The following XDH variants were observed in gnomAD, a reference collection of about 807,000 sequenced individuals.
The protein encoded by XDH is xanthine dehydrogenase, also known as xanthine dehydrogenase/oxidase.
A neutral mutation model predicts 156.1 loss-of-function variants in XDH; 138 were observed. That is an observed-to-expected ratio of 0.88 (90% confidence interval 0.77 to 1.02). The LOEUF (loss-of-function observed/expected upper bound fraction) is 1.02. Ranked by LOEUF, XDH falls within the 50% of genes least tolerant of loss-of-function variation. The pLI is 0.00. For synonymous variants in XDH, 669 were observed against 625.7 expected (o/e 1.07, Z -1.03); for missense variants, 1,849 against 1,684.9 (o/e 1.10, Z -1.71).
chr2:31,372,299 G>A lies in XDH; in HGVS notation c.1785C>T (p.Asp595=), dbSNP rs140066757. The change falls in exon 17 of 36, where the codon GAC becomes GAT. Residue 595 remains aspartate, a synonymous_variant. Coordinates refer to ENST00000379416, the MANE Select transcript of XDH (RefSeq NM_000379.4). ...GCTCATTCTCGTAGCGAGGAATGTC[G>A]TCACAGTACACGGCCTCACCAGAGG... ...MQASGEAVYC[D]DIPRYENELS... is the part of the protein sequence containing the mutation. 4.0e-5 allele frequency: 64 copies of A among 1,614,232 alleles called. No homozygotes were observed. Among genetic ancestry groups the A allele is most frequent in the East Asian group, 2.0e-4 (9 of 44,878 alleles).
intron 24 of XDH, among the ~76,000 whole-genome samples, chr2:31,358,680 A>G (rs1414309674): frequency 6.6e-6 from 1 of 152,194 alleles, no homozygotes; most frequent in Non-Finnish European, 1.5e-5. Context: ...CAGTCAGTGC[A>G]GAAAAAGCAT....
chr2:31,349,248 G>T (rs1685389709), intron 26 of XDH, among the ~76,000 whole-genome samples: 1 of 152,146 alleles, frequency 6.6e-6, no homozygotes, highest in South Asian at 2.1e-4. Context: ...AGCCTTCTCT[G>T]TGCTTTATAT....
intron 29 of XDH, 132 bp downstream of exon 29, chr2:31,347,390 A>G: frequency 7.4e-7 from 1 of 1,358,828 alleles, no homozygotes; most frequent in South Asian, 1.3e-5. Flanking sequence ...ATCCTCCTGG[A>G]TAAGGGAGCC....
chr2:31,383,181 A>T lies in XDH; in HGVS notation c.887-29T>A, dbSNP rs1391401009. ...GGAACGCACGTTCGGAATCACAGCA[A>T]TTCTTCCCACAGTTCAGAAGAGGCT... On this transcript the variant is annotated intron_variant, in intron 10 of 35. Transcript: ENST00000379416. The T allele has an allele frequency of 2.5e-6, 4 of 1,613,950 alleles. No homozygotes were observed. The Admixed American group carries it at 5.0e-5, about 20-fold the overall frequency.
intron 29 of XDH, 70 bp from the exon 30 acceptor site, chr2:31,346,913 G>C: frequency 1.2e-6 from 2 of 1,605,000 alleles, no homozygotes; most frequent in Non-Finnish European, 1.7e-6. Context: ...CAAAACCCGA[G>C]GGCCCCAGCA....
At position 31,335,989 on chromosome 2, in the gene XDH, T is replaced by C; in HGVS notation, c.3971A>G (p.Glu1324Gly). 2 of 1,614,222 alleles carry C rather than the reference T, an allele frequency of 1.2e-6. No homozygotes were observed. The highest frequency in any genetic ancestry group is 1.7e-6 in the Non-Finnish European group (2 of 1,180,044). The change falls in exon 36 of 36, where the codon GAA (glutamate) becomes GGA (glycine). Residue 1324 changes from glutamate (E) to glycine (G), a missense_variant. Transcript: ENST00000379416. ...CCTCACAGACCAGGGTTTGCAGTTT[T>C]CTGGGACACCAGTGACACACTAGGA... is the stretch of plus-strand genomic sequence containing the variant. Reference protein sequence around the residue: ...FTTLCVTGVPENCKPWSVRV With the variant: ...FTTLCVTGVPGNCKPWSVRV
chr2:31,358,736 A>C (rs1196599401), intron 24 of XDH, among the ~76,000 whole-genome samples: 1 of 152,124 alleles, frequency 6.6e-6, no homozygotes, highest in Non-Finnish European at 1.5e-5. Context: ...CTCAGAAAAC[A>C]CTAATGGAAG....
intron 31 of XDH, among the ~76,000 whole-genome samples, chr2:31,342,826 C>T (rs894520871): frequency 6.6e-6 from 1 of 152,144 alleles, no homozygotes; most frequent in African/African-American, 2.4e-5. Context: ...GAAAGTTCAA[C>T]AAATGATTTG....
At chr2:31,376,536 A>ATAG in intron 14 of XDH, among the ~76,000 whole-genome samples, 1 of 149,438 alleles carries the variant, frequency 6.7e-6, no homozygotes, top group Non-Finnish European at 1.5e-5. Flanking sequence ...AACAGCAGTA[A>ATAG]TAGTAGTAGT....
At chr2:31,362,650 A>C (rs1685806499) in intron 24 of XDH, among the ~76,000 whole-genome samples, 3 of 152,238 alleles carry the variant, frequency 2.0e-5, no homozygotes, top group Admixed American at 2.0e-4. Flanking sequence ...TTCTTGAGCC[A>C]GTATTCCAAA....
At chr2:31,386,323 G>T in intron 9 of XDH, 91 bp downstream of exon 9, 1 of 1,565,730 alleles carries the variant, frequency 6.4e-7, no homozygotes, top group Non-Finnish European at 8.7e-7. Flanking sequence ...GCAGAGGCAA[G>T]TAAAGTCAGG....
At chr2:31,404,770 G>C (rs1687151047) in intron 2 of XDH, among the ~76,000 whole-genome samples, 1 of 152,074 alleles carries the variant, frequency 6.6e-6, no homozygotes, top group South Asian at 2.1e-4. Flanking sequence ...TTTATCTTCT[G>C]TGAACCTCCA....
chr2:31,337,939 G>A lies in XDH; in HGVS notation c.3775-122C>T, dbSNP rs371164666. ...GAGGAGGGCTGGTGGCACCAGGAAA[G>A]CACTGATGGGAGCCACACCAAATAC... is the stretch of plus-strand genomic sequence containing the variant. On this transcript the variant is annotated intron_variant, in intron 34 of 35. Transcript: ENST00000379416. 66 of 1,030,000 alleles carry A rather than the reference G, an allele frequency of 6.4e-5. 1 individual carries two copies. The East Asian group carries it at 1.5e-3, about 24-fold the overall frequency. The allele number at this position is 1,030,000 out of a possible 1,614,324, so 63.8% of individuals were successfully genotyped here.
At chr2:31,356,405 G>C (rs1685622977) in intron 24 of XDH, among the ~76,000 whole-genome samples, 1 of 152,310 alleles carries the variant, frequency 6.6e-6, no homozygotes, top group Middle Eastern at 3.4e-3. Context: ...AGGATCTGGA[G>C]AGAAGTAGCT....
At chr2:31,397,880 T>A in intron 5 of XDH, 151 bp from the exon 6 acceptor site, 2 of 828,220 alleles carry the variant, frequency 2.4e-6, no homozygotes, top group South Asian at 3.0e-5. Flanking sequence ...CCTTCTCATA[T>A]CCTGACTTCA....
In XDH at chr2:31,395,307, G is replaced by T. The variant is rs530978537; in HGVS notation, c.495+2361C>A. 2.6e-5 allele frequency among the ~76,000 whole-genome samples: 4 copies of T among 152,228 alleles called. No individual in the cohort carries two copies. The South Asian group carries it at 8.3e-4, about 32-fold the overall frequency. Reference sequence around the variant, plus strand: ...TGGTGGGACAGGATGGCTGGAGGGGGCTGGGCTTGTGTATTTCCCTTCCCA... The same window carrying T: ...TGGTGGGACAGGATGGCTGGAGGGGTCTGGGCTTGTGTATTTCCCTTCCCA... On this transcript the variant is annotated intron_variant, in intron 6 of 35. Coordinates refer to ENST00000379416, the MANE Select transcript of XDH (RefSeq NM_000379.4).
chr2:31,405,871 C>T, intron 2 of XDH, 36 bp downstream of exon 2: 2 of 1,612,842 alleles, frequency 1.2e-6, no homozygotes, highest in Non-Finnish European at 8.5e-7. Flanking sequence ...ACCATTGCCC[C>T]CCTTCTCCGT....
chr2:31,372,500 C>A, intron 16 of XDH, 103 bp from the exon 17 acceptor site: 1 of 1,507,682 alleles, frequency 6.6e-7, no homozygotes, highest in Non-Finnish European at 9.1e-7. Context: ...CAAAGGACAC[C>A]AAGGGGTAAG....
chr2:31,350,020 T>C lies in XDH; in HGVS notation c.2823+12A>G. The C allele has an allele frequency of 2.5e-6, 4 of 1,613,636 alleles. No homozygotes were observed. Among genetic ancestry groups the C allele is most frequent in the Non-Finnish European group, 3.4e-6 (4 of 1,180,020 alleles). ...AAGCACTCTGACTTGTGCTACCAAA[T>C]TCTCAGCTTACCTCCTCTGCAGGCA... On this transcript the variant is annotated intron_variant, in intron 25 of 35. Coordinates refer to ENST00000379416, the MANE Select transcript of XDH (RefSeq NM_000379.4).
Sources: allele counts gnomAD v4.1 joint callset (sites outside exome capture counted in the v4.1 genomes callset), GRCh38; gene constraint gnomAD v4.1.1; transcripts MANE v1.5; gene names NCBI Gene and HGNC (gene_info 2026-07-23, HGNC 2026-07-21).